MCTP1: variants seen among roughly 807,000 people sequenced by gnomAD.
The protein encoded by MCTP1 is multiple C2 and transmembrane domain containing 1.
MCTP1 carries 69 observed loss-of-function variants against 120.6 expected under a neutral mutation model. That is an observed-to-expected ratio of 0.57 (90% confidence interval 0.47 to 0.70). MCTP1 has a LOEUF of 0.70. Among genes scored for constraint, MCTP1 ranks in the 30% least tolerant of loss-of-function variants. The pLI is 0.00. For missense variants in MCTP1, 1,203 were observed against 1,248.8 expected (o/e 0.96, Z 0.55); for synonymous variants, 529 against 493.1 (o/e 1.07, Z -0.96).
At chr5:95,184,819 T>A (rs1749016048) in intron 1 of MCTP1, among the ~76,000 whole-genome samples, 1 of 152,098 alleles carries the variant, frequency 6.6e-6, no homozygotes, top group Admixed American at 6.6e-5. Context: ...CCACCCAGAC[T>A]GGTAATCTGC....
intron 19 of MCTP1, among the ~76,000 whole-genome samples, chr5:94,769,392 GATAA>G (rs1773554308): frequency 1.3e-5 from 2 of 152,010 alleles, no homozygotes; most frequent in Non-Finnish European, 2.9e-5. Flanking sequence ...TCAAAGAAGT[GATAA>G]ATTTTTAAGA....
At chr5:94,778,186 CA>C (rs969479378) in intron 19 of MCTP1, among the ~76,000 whole-genome samples, 53 of 148,956 alleles carry the variant, frequency 3.6e-4, no homozygotes, top group African/African-American at 8.9e-4. Flanking sequence ...CTCCTTTCTT[CA>C]AAAAAAAAAT....
chr5:94,961,887 C>T (rs10063790), intron 2 of MCTP1, among the ~76,000 whole-genome samples: 32,991 of 152,074 alleles, frequency 0.22, 3,704 homozygotes, highest in African/African-American at 0.26. Flanking sequence ...GCCCACTTTT[C>T]GATGTGATTT....
At chr5:94,947,577 T>TATATATATATATATATATATAG in intron 3 of MCTP1, among the ~76,000 whole-genome samples, 17 of 47,382 alleles carry the variant, frequency 3.6e-4, no homozygotes, top group Admixed American at 5.1e-4. Flanking sequence ...TATATATATA[T>TATATATATATATATATATATAG]AGAGAGAGAG....
chr5:95,148,822 T>C (rs1296864499), intron 1 of MCTP1, among the ~76,000 whole-genome samples: 2 of 152,218 alleles, frequency 1.3e-5, no homozygotes, highest in Non-Finnish European at 2.9e-5. Flanking sequence ...TCCTTTCCTT[T>C]AACTGTGATG....
At chr5:94,754,000 G>A (rs1260990274) in intron 19 of MCTP1, among the ~76,000 whole-genome samples, 1 of 152,190 alleles carries the variant, frequency 6.6e-6, no homozygotes, top group Non-Finnish European at 1.5e-5. Context: ...GAAAGGAAGA[G>A]AGAAATCGCT....
intron 1 of MCTP1, among the ~76,000 whole-genome samples, chr5:95,136,464 G>A (rs1475132285): frequency 6.6e-6 from 1 of 152,156 alleles, no homozygotes; most frequent in Non-Finnish European, 1.5e-5. Flanking sequence ...AAGAGGGAGA[G>A]GAGAAGGAAG....
At chr5:94,845,585 C>A (rs1792151277) in intron 17 of MCTP1, among the ~76,000 whole-genome samples, 1 of 152,106 alleles carries the variant, frequency 6.6e-6, no homozygotes, top group Non-Finnish European at 1.5e-5. Flanking sequence ...CACTCTGTCA[C>A]CCAGGCTGGA....
intron 17 of MCTP1, among the ~76,000 whole-genome samples, chr5:94,848,127 T>C (rs1414082535): frequency 6.6e-6 from 1 of 152,076 alleles, no homozygotes; most frequent in Admixed American, 6.6e-5. Context: ...AAAAAAATAA[T>C]GATCTAAAAC....
At chr5:94,717,879 A>G (rs1341566554) in intron 19 of MCTP1, among the ~76,000 whole-genome samples, 1 of 152,164 alleles carries the variant, frequency 6.6e-6, no homozygotes, top group Admixed American at 6.5e-5. Context: ...GAGGACACAA[A>G]TGGGAAAATA....
At chr5:94,734,951 T>C (rs1325540724) in intron 19 of MCTP1, among the ~76,000 whole-genome samples, 1 of 152,198 alleles carries the variant, frequency 6.6e-6, no homozygotes, top group Non-Finnish European at 1.5e-5. Flanking sequence ...CCTTAATAGA[T>C]GTTTAGGTTC....
intron 1 of MCTP1, among the ~76,000 whole-genome samples, chr5:95,095,003 T>TA: frequency 7.2e-6 from 1 of 139,058 alleles, no homozygotes; most frequent in East Asian, 2.2e-4. Context: ...TTTGTTATGT[T>TA]AGATTTTTTT....
intron 2 of MCTP1, among the ~76,000 whole-genome samples, chr5:95,000,078 ATGG>A (rs1833376020): frequency 6.6e-6 from 1 of 152,178 alleles, no homozygotes. Flanking sequence ...TGCATATATG[ATGG>A]TGGTCCCACA....
chr5:95,072,525 C>T (rs574955992), intron 1 of MCTP1, among the ~76,000 whole-genome samples: 1 of 152,130 alleles, frequency 6.6e-6, no homozygotes, highest in Admixed American at 6.5e-5. Flanking sequence ...GTGCATTGAT[C>T]ATGTGAAAAT....
intron 18 of MCTP1, among the ~76,000 whole-genome samples, chr5:94,785,742 C>A (rs17391705): frequency 0.045 from 6,793 of 152,030 alleles, 171 homozygotes; most frequent in African/African-American, 0.059. Flanking sequence ...CTCTGAAAAT[C>A]TTAGAAATTG....
chr5:95,254,450 C>T (rs550040352), intron 1 of MCTP1, among the ~76,000 whole-genome samples: 1 of 152,202 alleles, frequency 6.6e-6, no homozygotes, highest in African/African-American at 2.4e-5. Flanking sequence ...AATTCTAGCC[C>T]AGGCAGCCTG....
intron 1 of MCTP1, among the ~76,000 whole-genome samples, chr5:95,258,722 AG>A (rs1758147269): frequency 1.3e-5 from 2 of 152,218 alleles, no homozygotes; most frequent in African/African-American, 4.8e-5. Context: ...TCTAAATAAA[AG>A]TTCATTAAAA....
At chr5:94,921,465 T>G (rs1040384662) in intron 7 of MCTP1, among the ~76,000 whole-genome samples, 1 of 152,358 alleles carries the variant, frequency 6.6e-6, no homozygotes, top group East Asian at 1.9e-4. Context: ...TAAATCTTGA[T>G]AGGAATTTAT....
In MCTP1 at chr5:94,705,092, A is replaced by T. The variant is rs1047975421; in HGVS notation, c.*2404T>A. ...TATTTAGTAGTTCACAATATCTATA[A>T]TAGTTAGCAGTCCAAGTAGATGTTT... On this transcript the variant is annotated 3_prime_UTR_variant, in exon 23 of 23. Coordinates refer to ENST00000515393, the MANE Select transcript of MCTP1 (RefSeq NM_024717.7). The T allele has an allele frequency of 6.6e-6, 1 of 151,530 alleles. No individual in the cohort carries two copies. The highest frequency in any genetic ancestry group is 1.5e-5 in the Non-Finnish European group (1 of 67,624). 9.4% of individuals were successfully genotyped at this position (151,530 alleles called of 1,614,324 possible). A position where few individuals can be genotyped will look rare whatever the true frequency, so the allele number is the denominator to read the frequency against.
Sources: gnomAD v4.1 joint callset for allele counts (sites outside exome capture counted in the v4.1 genomes callset) on GRCh38, gnomAD v4.1.1 for gene constraint, MANE v1.5 for transcripts, NCBI Gene and HGNC (gene_info 2026-07-23, HGNC 2026-07-21) for gene names.